Variants in PLVAP observed in about 807,000 individuals in gnomAD.
PLVAP encodes the protein plasmalemma vesicle associated protein, also known as plasmalemma vesicle-associated protein.
Under a neutral mutation model 43.1 loss-of-function variants are expected in PLVAP, and 34 were observed. That is an observed-to-expected ratio of 0.79 (90% CI 0.60 to 1.05). The LOEUF is 1.05. Among genes scored for constraint, PLVAP ranks in the 50% least tolerant of loss-of-function variants. PLVAP has a pLI of 0.00. For synonymous variants in PLVAP, 241 were observed against 237.3 expected (o/e 1.02, Z -0.14); for missense variants, 574 against 593.4 (o/e 0.97, Z 0.34).
intron 3 of PLVAP, among the ~76,000 whole-genome samples, chr19:17,363,720 G>A (rs1005076898): frequency 6.7e-6 from 1 of 150,004 alleles, no homozygotes; most frequent in African/African-American, 2.5e-5. Context: ...GATTACAGGT[G>A]TGTGCCACCA....
intron 1 of PLVAP, among the ~76,000 whole-genome samples, chr19:17,370,472 G>A (rs1391044471): frequency 6.6e-6 from 1 of 152,188 alleles, no homozygotes; most frequent in Admixed American, 6.5e-5. Flanking sequence ...AAGGAAGGAA[G>A]CACTGATCCA....
At chr19:17,370,951 G>A (rs2074569826) in intron 1 of PLVAP, among the ~76,000 whole-genome samples, 1 of 151,398 alleles carries the variant, frequency 6.6e-6, no homozygotes, top group Admixed American at 6.6e-5. Context: ...AGCTACTCGG[G>A]AGGCTGAGGC....
Position 17,357,293 on chromosome 19 carries a change from C to CA in PLVAP, c.1322+3234dup, listed in dbSNP as rs141033625. Among the ~76,000 whole-genome samples the CA allele has an allele frequency of 4.5e-3, 675 of 150,072 alleles. 8 individuals are homozygous for CA. Among genetic ancestry groups the CA allele is most frequent in the African/African-American group, 0.015 (608 of 40,862 alleles). ...TAGGAGACAGAGTGAGAGTCCATCT[C>CA]AAAAAAAAGAAAAAGGAGTGGAAAA... On this transcript the variant is annotated intron_variant, in intron 5 of 5. Transcript: ENST00000252590.
intron 5 of PLVAP, among the ~76,000 whole-genome samples, chr19:17,357,070 A>G (rs2074509631): frequency 6.6e-6 from 1 of 152,010 alleles, no homozygotes; most frequent in African/African-American, 2.4e-5. Context: ...ACTTGAGGCC[A>G]GGAGTTTGAG....
intron 5 of PLVAP, among the ~76,000 whole-genome samples, chr19:17,357,971 G>A (rs2074512987): frequency 6.6e-6 from 1 of 152,220 alleles, no homozygotes; most frequent in South Asian, 2.1e-4. Flanking sequence ...GCCTGGCCCT[G>A]ATTCTCCACT....
chr19:17,365,158 A>G, intron 3 of PLVAP, 128 bp downstream of exon 3: 3 of 747,538 alleles, frequency 4.0e-6, no homozygotes, highest in East Asian at 2.6e-5. Flanking sequence ...GATCCTAGAG[A>G]GTTGTAACTC....
intron 1 of PLVAP, among the ~76,000 whole-genome samples, chr19:17,366,568 A>G (rs1034424196): frequency 2.0e-5 from 3 of 152,192 alleles, no homozygotes; most frequent in African/African-American, 7.2e-5. Flanking sequence ...GTATAAATAC[A>G]TGCTACAACA....
At chr19:17,361,488 A>C (rs937335018) in intron 3 of PLVAP, among the ~76,000 whole-genome samples, 1 of 151,848 alleles carries the variant, frequency 6.6e-6, no homozygotes, top group Non-Finnish European at 1.5e-5. Context: ...ATCGGAGTCT[A>C]CTCACCCACC....
chr19:17,374,273 T>G (rs544448332), intron 1 of PLVAP, among the ~76,000 whole-genome samples: 1 of 152,332 alleles, frequency 6.6e-6, no homozygotes, highest in South Asian at 2.1e-4. Flanking sequence ...CAGACCATCC[T>G]GGCTAACACA....
Position 17,365,565 on chromosome 19 carries a change from C to T in PLVAP, c.900G>A (p.Glu300=), listed in dbSNP as rs376756648. ...LRADIERVAR[E]NSDLQRQKLE... ...GCTTCTGGCGTTGGAGGTCTGAGTT[C>T]TCGCGGGCCACGCGTTCGATATCCG... The change falls in exon 3 of 6, where the codon GAG becomes GAA. Residue 300 remains glutamate, a synonymous_variant. Transcript: ENST00000252590. 6 of 1,611,910 alleles carry T rather than the reference C, an allele frequency of 3.7e-6. No homozygotes were observed. The highest frequency in any genetic ancestry group is 1.1e-5 in the South Asian group (1 of 91,092).
chr19:17,352,549 C>A (rs2074490736), intron 5 of PLVAP, among the ~76,000 whole-genome samples, 181 bp from the exon 6 acceptor site: 1 of 152,080 alleles, frequency 6.6e-6, no homozygotes, highest in Non-Finnish European at 1.5e-5. Flanking sequence ...CGGGTTCAGC[C>A]TCTCCATGAG....
chr19:17,365,372 G>A lies in PLVAP; in HGVS notation c.1093C>T (p.Leu365=), dbSNP rs1237330111. 2.5e-6 allele frequency: 4 copies of A among 1,613,344 alleles called. No homozygotes were observed. In the South Asian group the frequency reaches 4.4e-5, roughly 18 times the overall value. Residue 365 remains leucine, a synonymous_variant, in exon 3 of 6, where the codon CTG becomes TTG. Coordinates refer to ENST00000252590, the MANE Select transcript of PLVAP (RefSeq NM_031310.3). ...TCCGCCTCCCTCTTCTTCTCTTCCA[G>A]CTCCTTGGCCAGGTTGTCTCGTTCC... ...RKERDNLAKE[L]EEKKREAEQL...
chr19:17,373,849 T>G (rs1266649687), intron 1 of PLVAP, among the ~76,000 whole-genome samples: 2 of 152,100 alleles, frequency 1.3e-5, no homozygotes. Context: ...GCCTTCACTT[T>G]CCTGCCTGCA....
Position 17,355,266 on chromosome 19 carries a change from T to TA in PLVAP, c.1323-2899dup, listed in dbSNP as rs2074502318. On this transcript the variant is annotated intron_variant, in intron 5 of 5. Coordinates refer to ENST00000252590, the MANE Select transcript of PLVAP (RefSeq NM_031310.3). ...AATAATAATAATAATAATAATAAAA[T>TA]AAATAATAAAATCTTTTTTAAAAAA... Among the ~76,000 whole-genome samples, 4 of 120,856 alleles carry TA rather than the reference T, an allele frequency of 3.3e-5. No homozygotes were observed. In the Admixed American group the frequency reaches 3.3e-4, roughly 10 times the overall value. The allele number at this position is 120,856 out of a possible 152,430, so 79.3% of individuals were successfully genotyped here.
At chr19:17,360,689 G>A in intron 4 of PLVAP, 80 bp from the exon 5 acceptor site, 1 of 1,578,152 alleles carries the variant, frequency 6.3e-7, no homozygotes. Flanking sequence ...TGGCAGCCCA[G>A]GGGAGTGGGA....
chr19:17,367,257 C>T (rs1029460316), intron 1 of PLVAP, among the ~76,000 whole-genome samples: 3 of 151,954 alleles, frequency 2.0e-5, no homozygotes, highest in African/African-American at 7.2e-5. Context: ...CTCTGTTGCC[C>T]AGGCTAGAGT....
intron 3 of PLVAP, among the ~76,000 whole-genome samples, chr19:17,364,736 C>T (rs1210782673): frequency 1.3e-5 from 2 of 151,310 alleles, no homozygotes; most frequent in African/African-American, 4.8e-5. Context: ...ACCCTAGACC[C>T]GATATCCACC....
At chr19:17,370,001 T>TAAAAAAA (rs763532839) in intron 1 of PLVAP, among the ~76,000 whole-genome samples, 6 of 88,794 alleles carry the variant, frequency 6.8e-5, no homozygotes, top group Admixed American at 1.4e-4. Flanking sequence ...AGAGTCTGTC[T>TAAAAAAA]AAAAAAAAAA....
Position 17,366,137 on chromosome 19 carries a change from C to A in PLVAP, c.428G>T (p.Cys143Phe). 6.2e-7 allele frequency: 1 copy of A among 1,614,162 alleles called. No individual in the cohort carries two copies. The highest frequency in any genetic ancestry group is 8.5e-7 in the Non-Finnish European group (1 of 1,180,030). Residue 143 changes from cysteine to phenylalanine, a missense_variant, in exon 2 of 6, where the codon TGC becomes TTC. Cys to Phe is a radical substitution (Grantham distance 205). Transcript: ENST00000252590. Reference protein sequence around the residue: ...MAAIILSEKQCRDQFKDMNKS... With the variant: ...MAAIILSEKQFRDQFKDMNKS... ...GTTCATGTCCTTGAATTGATCTCTG[C>A]ATTGCTTCTCACTCAAGATGATGGC...
Sources: gnomAD v4.1 joint callset for allele counts (sites outside exome capture counted in the v4.1 genomes callset) on GRCh38, gnomAD v4.1.1 for gene constraint, MANE v1.5 for transcripts, NCBI Gene and HGNC (gene_info 2026-07-23, HGNC 2026-07-21) for gene names.